Variants in GRAMD2B observed in about 807,000 individuals in gnomAD.
GRAMD2B encodes GRAM domain-containing protein 2B.
In GRAMD2B, 41 loss-of-function variants were observed where a neutral mutation model predicts 59.2. That is an observed-to-expected ratio of 0.69 (90% CI 0.54 to 0.90). The LOEUF is 0.90. Among genes scored for constraint, GRAMD2B ranks in the 40% least tolerant of loss-of-function variants. The pLI, the probability that GRAMD2B is intolerant of heterozygous loss-of-function variation, is 0.00. For missense variants in GRAMD2B, 424 were observed against 500.5 expected (o/e 0.85, Z 1.46); for synonymous variants, 161 against 182.7 (o/e 0.88, Z 0.96).
At chr5:126,409,347 T>C (rs377552943) in intron 1 of GRAMD2B, among the ~76,000 whole-genome samples, 4 of 152,046 alleles carry the variant, frequency 2.6e-5, no homozygotes, top group South Asian at 4.1e-4. Context: ...TCTCCAGCAC[T>C]TGTTGTTTCC....
At chr5:126,428,676 G>A (rs1023423591) in intron 1 of GRAMD2B, among the ~76,000 whole-genome samples, 6 of 152,164 alleles carry the variant, frequency 3.9e-5, no homozygotes, top group African/African-American at 9.7e-5. Flanking sequence ...ATAATGGGGA[G>A]TACTTAAGTC....
chr5:126,400,605 A>G (rs1295564613), intron 1 of GRAMD2B, among the ~76,000 whole-genome samples: 1 of 152,154 alleles, frequency 6.6e-6, no homozygotes, highest in African/African-American at 2.4e-5. Flanking sequence ...TTCATTCAAC[A>G]TGAAGAATGC....
chr5:126,371,484 G>T, exon 1 of GRAMD2B: 1 of 1,289,240 alleles, frequency 7.8e-7, no homozygotes, highest in Non-Finnish European at 1.0e-6. Context: ...CGGTGTTCCG[G>T]TTTGAGACTC....
intron 1 of GRAMD2B, among the ~76,000 whole-genome samples, chr5:126,405,862 G>C (rs1338823762): frequency 6.6e-6 from 1 of 151,894 alleles, no homozygotes; most frequent in African/African-American, 2.4e-5. Flanking sequence ...AACCATGACT[G>C]ATATGGCCTA....
chr5:126,449,813 A>G (rs982395190), intron 1 of GRAMD2B, among the ~76,000 whole-genome samples: 1 of 152,166 alleles, frequency 6.6e-6, no homozygotes. Context: ...TGAGACCGAA[A>G]CCTGGCCTCT....
intron 2 of GRAMD2B, chr5:126,467,722 A>T (rs1194980933): frequency 6.6e-6 from 1 of 152,230 alleles, no homozygotes; most frequent in Non-Finnish European, 1.5e-5. Flanking sequence ...TAGCTTCCAA[A>T]AAAATGTAAT....
chr5:126,438,117 TCTC>T (rs1762718256), intron 1 of GRAMD2B, among the ~76,000 whole-genome samples: 1 of 152,184 alleles, frequency 6.6e-6, no homozygotes, highest in South Asian at 2.1e-4. Flanking sequence ...GTTTCCATGT[TCTC>T]CTAGCCCATC....
At chr5:126,473,577 A>G (rs1043009934) in intron 5 of GRAMD2B, among the ~76,000 whole-genome samples, 4 of 151,892 alleles carry the variant, frequency 2.6e-5, no homozygotes, top group Admixed American at 6.6e-5. Context: ...TTATTTTCTC[A>G]CTCATTTGTT....
At chr5:126,478,013 A>C (rs1051633770) in intron 6 of GRAMD2B, among the ~76,000 whole-genome samples, 1 of 152,170 alleles carries the variant, frequency 6.6e-6, no homozygotes, top group Non-Finnish European at 1.5e-5. Flanking sequence ...AGTGTTGCCA[A>C]TTTTGAATTT....
At chr5:126,452,631 C>T (rs1356853757) in intron 1 of GRAMD2B, among the ~76,000 whole-genome samples, 1 of 152,182 alleles carries the variant, frequency 6.6e-6, no homozygotes, top group African/African-American at 2.4e-5. Context: ...TCATTCTACT[C>T]TCCTGGCAGT....
At chr5:126,371,681 G>A (rs1204583772) in intron 1 of GRAMD2B, 3 of 962,292 alleles carry the variant, frequency 3.1e-6, no homozygotes, top group African/African-American at 3.4e-5. Context: ...GATCAGCCAT[G>A]GGAAGAGAAG....
intron 1 of GRAMD2B, among the ~76,000 whole-genome samples, chr5:126,373,192 A>G (rs1332984439): frequency 6.6e-6 from 1 of 152,218 alleles, no homozygotes; most frequent in Admixed American, 6.5e-5. Flanking sequence ...TAAGTAGGTC[A>G]GGCATTGAAG....
chr5:126,389,028 C>A (rs913097718), intron 1 of GRAMD2B, among the ~76,000 whole-genome samples: 3 of 152,118 alleles, frequency 2.0e-5, no homozygotes, highest in South Asian at 2.1e-4. Context: ...ATACAAAAAA[C>A]CACAAAGTGA....
chr5:126,414,847 G>A (rs962943183), intron 1 of GRAMD2B, among the ~76,000 whole-genome samples: 1 of 152,048 alleles, frequency 6.6e-6, no homozygotes, highest in Admixed American at 6.6e-5. Flanking sequence ...ATCTTCTCAG[G>A]TGAATAGACT....
At chr5:126,440,764 TAATAA>T (rs1471417061) in intron 1 of GRAMD2B, among the ~76,000 whole-genome samples, 1 of 152,132 alleles carries the variant, frequency 6.6e-6, no homozygotes, top group Non-Finnish European at 1.5e-5. Flanking sequence ...TTGTGTGACA[TAATAA>T]AATAAGGCAT....
At chr5:126,492,838 A>G (rs886543888) in intron 13 of GRAMD2B, 77 bp from the exon 14 acceptor site, 14 of 921,378 alleles carry the variant, frequency 1.5e-5, no homozygotes, top group Non-Finnish European at 2.1e-5. Context: ...ATAGAATGCT[A>G]TATAGACTAT....
In GRAMD2B at chr5:126,402,169, C is replaced by A. The variant is rs545208328; in HGVS notation, c.125+30602C>A. ...TCCAGTGCCTTCAATAGCATCCTTC[C>A]TTTTTATGTATCTGTAGGGCTTCTA... On this transcript the variant is annotated intron_variant, in intron 1 of 8. Transcript: ENST00000506445. Among the ~76,000 whole-genome samples, 10 of 152,186 alleles carry A rather than the reference C, an allele frequency of 6.6e-5. 1 individual carries two copies. The South Asian group carries it at 1.9e-3, about 28-fold the overall frequency.
chr5:126,412,723 T>G (rs1758920864), intron 1 of GRAMD2B, among the ~76,000 whole-genome samples: 1 of 152,110 alleles, frequency 6.6e-6, no homozygotes, highest in African/African-American at 2.4e-5. Flanking sequence ...AATTTGGCTA[T>G]AACTCCATCT....
chr5:126,387,219 A>G (rs904830538), intron 1 of GRAMD2B, among the ~76,000 whole-genome samples: 5 of 151,976 alleles, frequency 3.3e-5, no homozygotes, highest in Non-Finnish European at 7.4e-5. Context: ...TAGAAGGGGA[A>G]AGAAAAACCA....
Sources: gnomAD v4.1 joint callset for allele counts (sites outside exome capture counted in the v4.1 genomes callset) on GRCh38, gnomAD v4.1.1 for gene constraint, MANE v1.5 for transcripts, NCBI Gene and HGNC (gene_info 2026-07-23, HGNC 2026-07-21) for gene names.